The following PRIM2 variants were observed in gnomAD, a reference collection of about 807,000 sequenced individuals.
PRIM2 encodes the protein DNA primase large subunit.
A neutral mutation model predicts 67.3 loss-of-function variants in PRIM2; 39 were observed. The observed-to-expected ratio is 0.58, with a 90% confidence interval of 0.45 to 0.76. The LOEUF (loss-of-function observed/expected upper bound fraction) is 0.76, where lower values mean the gene tolerates loss of function less well. Ranked by LOEUF, PRIM2 falls within the 30% of genes least tolerant of loss-of-function variation. The probability of loss-of-function intolerance (pLI) is 0.00; values close to 1 mark genes in which losing one functional copy is unlikely to be tolerated. For synonymous variants in PRIM2, 143 were observed against 198.7 expected, an observed-to-expected ratio of 0.72 and a Z score of 2.36; for missense variants, 398 against 598.7, an observed-to-expected ratio of 0.66 and a Z score of 3.50.
chr6:57,273,922 G>A, the PRIM2 span, among the ~76,000 whole-genome samples: 2 of 152,222 alleles, frequency 1.3e-5, no homozygotes, highest in African/African-American at 4.8e-5. Context: ...GGTATCAGCA[G>A]CGGTGGCTGC....
At chr6:57,421,069 T>G (rs1242363305) in intron 7 of PRIM2, among the ~76,000 whole-genome samples, 1 of 152,018 alleles carries the variant, frequency 6.6e-6, no homozygotes, top group Non-Finnish European at 1.5e-5. Flanking sequence ...AAACGAATCT[T>G]CTAGAAGGAT....
At chr6:57,240,253 C>A in the PRIM2 span, among the ~76,000 whole-genome samples, 1 of 152,126 alleles carries the variant, frequency 6.6e-6, no homozygotes, top group African/African-American at 2.4e-5. Context: ...AGGCATGCGC[C>A]AACCGCGCCC....
At chr6:57,305,890 T>G in the PRIM2 span, among the ~76,000 whole-genome samples, 1 of 152,326 alleles carries the variant, frequency 6.6e-6, no homozygotes, top group Admixed American at 6.5e-5. Flanking sequence ...TAACTAGTAC[T>G]GTAATAAAAT....
intron 10 of PRIM2, among the ~76,000 whole-genome samples, chr6:57,577,581 A>G (rs1201501565): frequency 2.0e-5 from 3 of 151,730 alleles, no homozygotes; most frequent in African/African-American, 7.3e-5. Flanking sequence ...GGCGCCCACC[A>G]CCACGTCCAG....
chr6:57,619,846 G>T (rs1268482343), intron 12 of PRIM2, among the ~76,000 whole-genome samples: 1 of 152,118 alleles, frequency 6.6e-6, no homozygotes, highest in East Asian at 1.9e-4. Context: ...AAACATATTT[G>T]GGGGAATAAT....
intron 7 of PRIM2, among the ~76,000 whole-genome samples, chr6:57,415,700 A>G (rs1454243494): frequency 1.3e-5 from 2 of 152,226 alleles, no homozygotes; most frequent in Admixed American, 6.5e-5. Context: ...TACTTGATAA[A>G]CTAAGTTTAT....
chr6:57,488,668 C>T (rs1773807872), intron 7 of PRIM2, among the ~76,000 whole-genome samples: 1 of 152,172 alleles, frequency 6.6e-6, no homozygotes, highest in African/African-American at 2.4e-5. Flanking sequence ...GATGTCAGCC[C>T]ACCACATGGT....
chr6:57,389,771 T>C, intron 7 of PRIM2, among the ~76,000 whole-genome samples: 1 of 152,204 alleles, frequency 6.6e-6, no homozygotes, highest in Non-Finnish European at 1.5e-5. Context: ...GTATCCTCTT[T>C]TTAAAAGTAG....
the PRIM2 span, among the ~76,000 whole-genome samples, chr6:57,299,052 TTCTC>T: frequency 2.9e-3 from 438 of 151,692 alleles, 1 homozygote; most frequent in African/African-American, 0.01. Context: ...GTGCCTGAAT[TTCTC>T]TCTCTCTTTC....
At chr6:57,320,624 G>A (rs920279521) in intron 3 of PRIM2, 64 bp downstream of exon 3, 3 of 1,016,238 alleles carry the variant, frequency 3.0e-6, no homozygotes, top group East Asian at 2.6e-5. Context: ...AGTGTCACTT[G>A]TGGGAAAGAT....
At chr6:57,545,224 A>C (rs1775264293) in intron 10 of PRIM2, among the ~76,000 whole-genome samples, 2 of 152,238 alleles carry the variant, frequency 1.3e-5, no homozygotes, top group South Asian at 4.1e-4. Flanking sequence ...ACATAGTATC[A>C]TATTACGATT....
At chr6:57,329,685 G>C (rs117563388) in intron 5 of PRIM2, among the ~76,000 whole-genome samples, 1 of 152,154 alleles carries the variant, frequency 6.6e-6, no homozygotes, top group Non-Finnish European at 1.5e-5. Context: ...CATCTGCCAT[G>C]ATTGTAAGTT....
intron 5 of PRIM2, among the ~76,000 whole-genome samples, chr6:57,337,775 AC>A (rs1362991480): frequency 3.3e-5 from 5 of 152,258 alleles, no homozygotes; most frequent in Admixed American, 1.3e-4. Context: ...TCCAAAGTTG[AC>A]ACCCTAACAT....
At chr6:57,493,888 A>G (rs1203424854) in intron 7 of PRIM2, 1 of 152,176 alleles carries the variant, frequency 6.6e-6, no homozygotes, top group Non-Finnish European at 1.5e-5. Flanking sequence ...TCAAGTATAA[A>G]GGATGGCAAT....
the PRIM2 span, among the ~76,000 whole-genome samples, chr6:57,260,526 C>T: frequency 6.6e-6 from 1 of 152,130 alleles, no homozygotes; most frequent in African/African-American, 2.4e-5. Flanking sequence ...TGAACCCATT[C>T]TATTTTTAAA....
chr6:57,558,576 T>C (rs1775564102), intron 10 of PRIM2, among the ~76,000 whole-genome samples: 1 of 152,124 alleles, frequency 6.6e-6, no homozygotes, highest in South Asian at 2.1e-4. Flanking sequence ...GAGCATGTTA[T>C]TAAGTTTCAG....
intron 12 of PRIM2, among the ~76,000 whole-genome samples, chr6:57,614,914 C>G (rs1776728571): frequency 6.6e-6 from 1 of 152,052 alleles, no homozygotes; most frequent in South Asian, 2.1e-4. Context: ...TCATTAATTT[C>G]TTTTCAAAAT....
intron 11 of PRIM2, among the ~76,000 whole-genome samples, chr6:57,605,569 T>G (rs1457663300): frequency 6.6e-5 from 10 of 152,198 alleles, no homozygotes; most frequent in Non-Finnish European, 1.2e-4. Flanking sequence ...AAATGCACAA[T>G]TATTAACTTA....
chr6:57,591,682 G>A (rs1168940614), intron 10 of PRIM2, among the ~76,000 whole-genome samples: 2 of 152,176 alleles, frequency 1.3e-5, no homozygotes, highest in East Asian at 1.9e-4. Context: ...GGGTGATGGC[G>A]AGATCGTGGA....
Sources: gnomAD v4.1 joint callset for allele counts (sites outside exome capture counted in the v4.1 genomes callset) on GRCh38, gnomAD v4.1.1 for gene constraint, MANE v1.5 for transcripts, NCBI Gene and HGNC (gene_info 2026-07-23, HGNC 2026-07-21) for gene names.